Variants in ZDHHC20 observed in about 807,000 individuals in gnomAD.
ZDHHC20 encodes the protein zDHHC palmitoyltransferase 20, also known as palmitoyltransferase ZDHHC20.
In ZDHHC20, 43 loss-of-function variants were observed where a neutral mutation model predicts 57.8. The observed-to-expected ratio is 0.74, with a 90% confidence interval of 0.58 to 0.96. ZDHHC20 has a LOEUF of 0.96. ZDHHC20 is among the 40% of genes least tolerant of loss of function. ZDHHC20 has a pLI of 0.00. For missense variants in ZDHHC20, 391 were observed against 441.1 expected, an observed-to-expected ratio of 0.89 and a Z score of 1.02; for synonymous variants, 157 against 153.0, an observed-to-expected ratio of 1.03 and a Z score of -0.19.
At chr13:21,417,401 A>T (rs1880113404) in intron 3 of ZDHHC20, among the ~76,000 whole-genome samples, 2 of 152,136 alleles carry the variant, frequency 1.3e-5, no homozygotes, top group South Asian at 4.1e-4. Flanking sequence ...CCGTATTTAT[A>T]ACTTAACTTC....
At chr13:21,409,974 G>A (rs1233386227) in intron 4 of ZDHHC20, among the ~76,000 whole-genome samples, 1 of 152,088 alleles carries the variant, frequency 6.6e-6, no homozygotes, top group Non-Finnish European at 1.5e-5. Context: ...TTCTGGTTTT[G>A]GAATTTTCAG....
At chr13:21,381,059 TGCAGTGGCGCGATCTCAGCTCAC>T (rs1236808577) in intron 11 of ZDHHC20, among the ~76,000 whole-genome samples, 1 of 151,854 alleles carries the variant, frequency 6.6e-6, no homozygotes, top group Admixed American at 6.6e-5. Flanking sequence ...CAGGCTGGAG[TGCAGTGGCGCGATCTCAGCTCAC>T]TGCAAGCTCC....
rs1871700622 is a variant in ZDHHC20, at chr13:21,374,410, T to C, written c.*2286A>G. 1 of 455,874 alleles carries C rather than the reference T, an allele frequency of 2.2e-6. No homozygotes were observed. Among genetic ancestry groups the C allele is most frequent in the Non-Finnish European group, 4.4e-6 (1 of 226,668 alleles). The allele number at this position is 455,874 out of a possible 1,614,324, so 28.2% of individuals were successfully genotyped here. ...TGGACAGTTTTGGGGTTTTTTTGTA[T>C]TTTTAGTGGAGACAGGGTTTTGCCA... On this transcript the variant is annotated 3_prime_UTR_variant, in exon 13 of 13. Transcript: ENST00000400590.
intron 7 of ZDHHC20, among the ~76,000 whole-genome samples, chr13:21,397,954 C>T (rs1877061407): frequency 6.6e-6 from 1 of 152,014 alleles, no homozygotes; most frequent in Non-Finnish European, 1.5e-5. Context: ...ATTTGAGGCA[C>T]AGAGTTGGAA....
At chr13:21,455,623 CCAGTG>C (rs1884851819) in intron 1 of ZDHHC20, among the ~76,000 whole-genome samples, 1 of 143,026 alleles carries the variant, frequency 7.0e-6, no homozygotes, top group Non-Finnish European at 1.5e-5. Context: ...AGTATTACTC[CCAGTG>C]AAGTGGTGTG....
At chr13:21,383,098 T>C (rs1053204267) in intron 9 of ZDHHC20, 89 bp from the exon 10 acceptor site, 22 of 1,157,884 alleles carry the variant, frequency 1.9e-5, no homozygotes, top group Non-Finnish European at 2.6e-5. Context: ...AGACATGGCA[T>C]ACATTATCAT....
intron 3 of ZDHHC20, among the ~76,000 whole-genome samples, chr13:21,419,418 G>A (rs1169905211): frequency 1.3e-5 from 2 of 152,190 alleles, no homozygotes; most frequent in African/African-American, 4.8e-5. Flanking sequence ...AATGTTTATA[G>A]CAGCCCTATT....
At position 21,434,961 on chromosome 13, in the gene ZDHHC20, G is replaced by C. The variant is rs183212414; in HGVS notation, c.119-9283C>G. Among the ~76,000 whole-genome samples, 5 of 151,546 alleles carry C rather than the reference G, an allele frequency of 3.3e-5. No individual in the cohort carries two copies. In the East Asian group the frequency reaches 9.7e-4, roughly 30 times the overall value. ...TTATCTTCAGTGTAGATTCCTAACA[G>C]TGGGATTACTGAACCAAAAGTAAAT... On this transcript the variant is annotated intron_variant, in intron 1 of 12. Coordinates refer to ENST00000400590, the MANE Select transcript of ZDHHC20 (RefSeq NM_001330059.2).
At chr13:21,428,176 G>A (rs1400283344) in intron 1 of ZDHHC20, among the ~76,000 whole-genome samples, 2 of 152,046 alleles carry the variant, frequency 1.3e-5, no homozygotes, top group African/African-American at 2.4e-5. Context: ...TCAGTGAGAC[G>A]AGGCTATTCC....
chr13:21,395,513 T>TG (rs1876638464), intron 7 of ZDHHC20, among the ~76,000 whole-genome samples: 1 of 129,956 alleles, frequency 7.7e-6, no homozygotes, highest in Non-Finnish European at 1.7e-5. Flanking sequence ...TTTTTTTTTT[T>TG]GAGACAGAGT....
chr13:21,407,272 G>A (rs748853290), intron 4 of ZDHHC20, among the ~76,000 whole-genome samples: 51 of 152,262 alleles, frequency 3.3e-4, no homozygotes, highest in Middle Eastern at 3.4e-3. Flanking sequence ...GGGATTATAG[G>A]TGTGAGCCAC....
chr13:21,413,100 A>G lies in ZDHHC20; in HGVS notation c.370+552T>C, dbSNP rs114532238. 6.9e-3 allele frequency among the ~76,000 whole-genome samples: 1,057 copies of G among 152,242 alleles called. 17 individuals carry two copies. Among genetic ancestry groups the G allele is most frequent in the African/African-American group, 0.023 (971 of 41,552 alleles). ...GACTCTTCCCTGTCATAAGATTACAACCTAGGAACAGGAAGCTGCTGTTAC... is the reference window on the plus strand; with the variant it reads ...GACTCTTCCCTGTCATAAGATTACAGCCTAGGAACAGGAAGCTGCTGTTAC... On this transcript the variant is annotated intron_variant, in intron 4 of 12. Transcript: ENST00000400590.
chr13:21,433,562 A>C (rs926920972), intron 1 of ZDHHC20, among the ~76,000 whole-genome samples: 109 of 144,222 alleles, frequency 7.6e-4, no homozygotes, highest in African/African-American at 2.7e-3. Flanking sequence ...GCTTGCAGTG[A>C]GCCGAGATCA....
chr13:21,424,312 GA>G (rs1881003810), intron 2 of ZDHHC20, among the ~76,000 whole-genome samples: 1 of 152,116 alleles, frequency 6.6e-6, no homozygotes, highest in African/African-American at 2.4e-5. Context: ...AAAGTTGAAA[GA>G]AAAACCTGAA....
intron 4 of ZDHHC20, among the ~76,000 whole-genome samples, chr13:21,405,722 G>A (rs1380767555): frequency 2.0e-5 from 3 of 152,068 alleles, no homozygotes; most frequent in Admixed American, 6.6e-5. Flanking sequence ...CTCCACTATC[G>A]CTTAAAATTA....
At chr13:21,410,369 T>C (rs531695661) in intron 4 of ZDHHC20, among the ~76,000 whole-genome samples, 2 of 152,196 alleles carry the variant, frequency 1.3e-5, no homozygotes, top group Non-Finnish European at 2.9e-5. Context: ...GTCTGTCCCT[T>C]AGCAGAGCTC....
chr13:21,439,491 CAG>C lies in ZDHHC20; in HGVS notation c.119-13815_119-13814del, dbSNP rs912312654. On this transcript the variant is annotated intron_variant, in intron 1 of 12. Transcript: ENST00000400590. ...CTCCAGCCTGCACTCTGCACTGCAA[CAG>C]AGTGATGACAGAGTGATACCCTGTC... Among the ~76,000 whole-genome samples, 4 of 152,212 alleles carry C rather than the reference CAG, an allele frequency of 2.6e-5. No individual in the cohort carries two copies. The South Asian group carries it at 8.3e-4, about 32-fold the overall frequency.
chr13:21,382,840 A>T, intron 10 of ZDHHC20, 80 bp downstream of exon 10: 1 of 1,164,818 alleles, frequency 8.6e-7, no homozygotes, highest in Non-Finnish European at 1.2e-6. Flanking sequence ...TACTGTATTT[A>T]CTCATAAGAT....
At chr13:21,394,835 T>C (rs1220800371) in intron 7 of ZDHHC20, among the ~76,000 whole-genome samples, 1 of 152,188 alleles carries the variant, frequency 6.6e-6, no homozygotes. Context: ...ACCACACAGG[T>C]AGGGGTGTTC....
Sources: allele counts gnomAD v4.1 joint callset (sites outside exome capture counted in the v4.1 genomes callset), GRCh38; gene constraint gnomAD v4.1.1; transcripts MANE v1.5; gene names NCBI Gene and HGNC (gene_info 2026-07-23, HGNC 2026-07-21).